The following TFPT variants were observed in gnomAD, a reference collection of about 807,000 sequenced individuals.
TFPT encodes TCF3 fusion partner.
In TFPT, 27 loss-of-function variants were observed where a neutral mutation model predicts 28.8. The ratio of observed to expected loss-of-function variants is 0.94; its 90% CI spans 0.69 to 1.29. TFPT has a LOEUF of 1.29. Ranked by LOEUF, TFPT falls within the 50% of genes most tolerant of loss-of-function variation. The pLI, the probability that TFPT is intolerant of heterozygous loss-of-function variation, is 0.00. For missense variants in TFPT, 330 were observed against 338.0 expected (o/e 0.98, Z 0.19); for synonymous variants, 152 against 142.8 (o/e 1.06, Z -0.46).
At position 54,108,123 on chromosome 19, in the gene TFPT, G is replaced by C. The variant is rs749824870; in HGVS notation, c.545C>G (p.Ala182Gly). 1.9e-6 allele frequency: 3 copies of C among 1,579,190 alleles called. No individual in the cohort carries two copies. Among genetic ancestry groups the C allele is most frequent in the Non-Finnish European group, 2.6e-6 (3 of 1,162,316 alleles). The change falls in exon 5 of 6, where the codon GCC becomes GGC. Residue 182 changes from alanine (A) to glycine (G), a missense_variant. Transcript: ENST00000391759. ...CCGCCCACTGGGCCCCTCACCGGGG[G>C]CTGGGCTGCCGGGTTCTGGGGGTGC... ...TPAPPEPGSP[A>G]PGEGPSGRKR...
At chr19:54,108,495 A>G in intron 3 of TFPT, 100 bp from the exon 4 acceptor site, 1 of 1,613,566 alleles carries the variant, frequency 6.2e-7, no homozygotes, top group Non-Finnish European at 8.5e-7. Flanking sequence ...CTCAACGCCA[A>G]AGCTGTCCTG....
rs373385325 is a variant in TFPT, at chr19:54,112,984, T to C, written c.282+1458A>G. Among the ~76,000 whole-genome samples the C allele has an allele frequency of 2.4e-4, 36 of 147,326 alleles. No individual in the cohort carries two copies. In the East Asian group the frequency reaches 5.2e-3, roughly 21 times the overall value. The stretch of plus-strand genomic sequence containing the variant: ...GGCGGGCGCCTGTAATCCCAGCTAC[T>C]AGGGAGGCTGAGTCAGGAGAATCAC... On this transcript the variant is annotated intron_variant, in intron 2 of 5. Transcript: ENST00000391759.
intron 3 of TFPT, among the ~76,000 whole-genome samples, chr19:54,109,793 T>C (rs2118213): frequency 7.9e-6 from 1 of 126,598 alleles, no homozygotes; most frequent in Non-Finnish European, 1.7e-5. Context: ...AGGGGGAGGA[T>C]GCCCTCCACC....
chr19:54,114,960 C>G (rs1369735186), intron 1 of TFPT: 1 of 661,774 alleles, frequency 1.5e-6, no homozygotes, highest in East Asian at 2.8e-5. Flanking sequence ...AGAGTCCAGA[C>G]CTCCAGACTT....
chr19:54,108,557 G>A, intron 3 of TFPT, 162 bp from the exon 4 acceptor site: 4 of 1,604,680 alleles, frequency 2.5e-6, no homozygotes, highest in Non-Finnish European at 3.4e-6. Context: ...CCATGCCCTT[G>A]ACCAGCCTTG....
At chr19:54,114,293 T>A (rs1290051013) in intron 2 of TFPT, 149 bp downstream of exon 2, 163 of 1,320,886 alleles carry the variant, frequency 1.2e-4, no homozygotes, top group Non-Finnish European at 1.6e-4. Context: ...GCCAGACACA[T>A]AATGCATGCT....
chr19:54,108,757 A>G lies in TFPT; in HGVS notation c.354-362T>C. 6.7e-6 allele frequency: 5 copies of G among 745,636 alleles called. No individual in the cohort carries two copies. The South Asian group carries it at 9.5e-5, about 14-fold the overall frequency. The allele number at this position is 745,636 out of a possible 1,614,324, so 46.2% of individuals were successfully genotyped here. A position where few individuals can be genotyped will look rare whatever the true frequency, so the allele number is the denominator to read the frequency against. ...TTATAATTTTTATTGATAACTGAAG[A>G]GAGGGGAGTACAGAACGCTCCTCCT... is the stretch of plus-strand genomic sequence containing the variant. On this transcript the variant is annotated intron_variant, in intron 3 of 5. Transcript: ENST00000391759.
rs372794842 is a variant in TFPT, at chr19:54,108,224, C to T, written c.444G>A (p.Thr148=). 104 of 1,592,988 alleles carry T rather than the reference C, an allele frequency of 6.5e-5. No individual in the cohort carries two copies. The highest frequency in any genetic ancestry group is 1.4e-4 in the East Asian group (6 of 44,030). The change falls in exon 5 of 6, where the codon ACG becomes ACA. Residue 148 remains threonine, a synonymous_variant. Coordinates refer to ENST00000391759, the MANE Select transcript of TFPT (RefSeq NM_013342.4). ...IVLEDEGSQG[T]DAPTPGNAEN... ...CCGCATTGCCTGGGGTGGGGGCATC[C>T]GTGCCCTGGCTGCCCTCATCCTGGC...
intron 1 of TFPT, chr19:54,115,009 T>A (rs1363685830): frequency 3.3e-5 from 23 of 691,934 alleles, no homozygotes. Context: ...GCCCCAACCC[T>A]CAACCAGACG....
intron 1 of TFPT, 138 bp from the exon 2 acceptor site, chr19:54,114,838 C>A: frequency 7.9e-7 from 1 of 1,270,566 alleles, no homozygotes; most frequent in South Asian, 1.5e-5. Flanking sequence ...TCCCTCAGAC[C>A]GTAGAATCCA....
chr19:54,110,756 G>A (rs1453364428), intron 2 of TFPT, among the ~76,000 whole-genome samples: 9 of 151,582 alleles, frequency 5.9e-5, no homozygotes, highest in African/African-American at 1.9e-4. Flanking sequence ...AACCCCACCC[G>A]GCCATTCACT....
rs770714341 is a variant in TFPT, at chr19:54,108,093, C to T, written c.575G>A (p.Arg192Lys). The change falls in exon 5 of 6, where the codon AGG (arginine) becomes AAG (lysine). Residue 192 changes from arginine to lysine, a missense_variant. Transcript: ENST00000391759. The part of the protein sequence containing the change: ...APGEGPSGRK[R>K]RRVPRDGRRA... ...GCGTCCATCCCGTGGCACTCGCCGC[C>T]TCTTCCGCCCACTGGGCCCCTCACC... 6 of 1,565,942 alleles carry T rather than the reference C, an allele frequency of 3.8e-6. No individual in the cohort carries two copies. In the Middle Eastern group the frequency reaches 5.2e-4, roughly 135 times the overall value.
Position 54,113,433 on chromosome 19 carries a change from T to A in TFPT, c.282+1009A>T, listed in dbSNP as rs587720277. Among the ~76,000 whole-genome samples the A allele has an allele frequency of 9.2e-4, 140 of 152,252 alleles. 1 individual carries two copies. The highest frequency in any genetic ancestry group is 9.0e-3 in the Admixed American group (137 of 15,284). On this transcript the variant is annotated intron_variant, in intron 2 of 5. Transcript: ENST00000391759. ...CTCACAACCCTGTCGACACCTTGCC[T>A]TGGATGTCTAGCCTCCAGAACTGTC...
At chr19:54,112,059 A>G (rs187707634) in intron 2 of TFPT, among the ~76,000 whole-genome samples, 1 of 152,134 alleles carries the variant, frequency 6.6e-6, no homozygotes, top group Admixed American at 6.5e-5. Context: ...AGAGGCCAGG[A>G]GTTCGACACC....
chr19:54,110,887 A>G (rs16985367), intron 2 of TFPT, among the ~76,000 whole-genome samples: 22,192 of 152,156 alleles, frequency 0.15, 1,667 homozygotes, highest in Admixed American at 0.2. Flanking sequence ...AACGACAGCA[A>G]CTTGTTTCTA....
Position 54,114,441 on chromosome 19 carries a change from C to T in TFPT, c.282+1G>A. 1 of 1,612,150 alleles carries T rather than the reference C, an allele frequency of 6.2e-7. No individual in the cohort carries two copies. Among genetic ancestry groups the T allele is most frequent in the Admixed American group, 1.7e-5 (1 of 59,964 alleles). On this transcript the variant is annotated splice_donor_variant, in intron 2 of 5. Transcript: ENST00000391759. LOFTEE classifies it high-confidence loss of function. Reference sequence around the variant, plus strand: ...AAACCGGGGGATCCGCACTCACCTACCTGCTCGATCTCCCGGCAGCGCCGA... The same window carrying T: ...AAACCGGGGGATCCGCACTCACCTATCTGCTCGATCTCCCGGCAGCGCCGA...
In TFPT at chr19:54,115,534, G is replaced by T. The variant is rs962219632; in HGVS notation, c.-265C>A. ...CTGAGTTGCCAACGTCTTTCTTCTT[G>T]TCTCGACGCCCCGTCGTCCGGCCAC... On this transcript the variant is annotated 5_prime_UTR_variant, in exon 1 of 6. Transcript: ENST00000391759. 1.7e-6 allele frequency: 1 copy of T among 587,124 alleles called. No individual in the cohort carries two copies. Among genetic ancestry groups the T allele is most frequent in the Non-Finnish European group, 3.0e-6 (1 of 329,868 alleles). The allele number at this position is 587,124 out of a possible 1,614,324, so 36.4% of individuals were successfully genotyped here.
At chr19:54,113,611 GA>G (rs34113824) in intron 2 of TFPT, among the ~76,000 whole-genome samples, 10,507 of 151,174 alleles carry the variant, frequency 0.07, 548 homozygotes, top group Non-Finnish European at 0.11. Context: ...CACTCTCAAG[GA>G]AAAAAAAATA....
Position 54,110,073 on chromosome 19 carries a change from G to A in TFPT, c.331C>T (p.Arg111Trp), listed in dbSNP as rs200361982. The change falls in exon 3 of 6, where the codon CGG (arginine) becomes TGG (tryptophan). Residue 111 changes from arginine (R) to tryptophan (W), a missense_variant. Transcript: ENST00000391759. ...NRLHQVQRITRRLQQERRFLM... is the reference protein window; with the variant it reads ...NRLHQVQRITWRLQQERRFLM... ...TACCTCCGTTCCTGCTGCAGCCTCCGAGTTATCCTCTGCACCTGATGGAGC... is the reference window on the plus strand; with the variant it reads ...TACCTCCGTTCCTGCTGCAGCCTCCAAGTTATCCTCTGCACCTGATGGAGC... 116 of 1,614,140 alleles carry A rather than the reference G, an allele frequency of 7.2e-5. No individual in the cohort carries two copies. The East Asian group carries it at 1.3e-3, about 18-fold the overall frequency.
Sources: gnomAD v4.1 joint callset for allele counts (sites outside exome capture counted in the v4.1 genomes callset) on GRCh38, gnomAD v4.1.1 for gene constraint, MANE v1.5 for transcripts, NCBI Gene and HGNC (gene_info 2026-07-23, HGNC 2026-07-21) for gene names.